LRP1B: variants seen among roughly 807,000 people sequenced by gnomAD.
LRP1B encodes LDL receptor related protein 1B.
LRP1B carries 217 observed loss-of-function variants against 556.6 expected under a neutral mutation model. That is an observed-to-expected ratio of 0.39 (90% confidence interval 0.35 to 0.44). LRP1B has a LOEUF of 0.44. Among genes scored for constraint, LRP1B ranks in the 20% least tolerant of loss-of-function variants. The probability of loss-of-function intolerance (pLI) is 1.00; values close to 1 mark genes in which losing one functional copy is unlikely to be tolerated. For missense variants in LRP1B, 5,053 were observed against 5,620.8 expected (o/e 0.90, Z 3.23); for synonymous variants, 2,047 against 1,865.8 (o/e 1.10, Z -2.50).
chr2:141,207,933 C>T (rs578025244), intron 6 of LRP1B: 1 of 152,396 alleles, frequency 6.6e-6, no homozygotes, highest in South Asian at 2.1e-4. Flanking sequence ...ACCTCAGTCT[C>T]CCAAAGTGCT....
At chr2:140,627,348 G>A (rs542322411) in intron 41 of LRP1B, among the ~76,000 whole-genome samples, 2 of 152,280 alleles carry the variant, frequency 1.3e-5, no homozygotes, top group South Asian at 4.1e-4. Context: ...GAGGATAAAA[G>A]CAGGCAGAGG....
chr2:141,846,860 A>T (rs1192491843), intron 1 of LRP1B, among the ~76,000 whole-genome samples: 1 of 151,458 alleles, frequency 6.6e-6, no homozygotes, highest in African/African-American at 2.4e-5. Flanking sequence ...TTTTTTAAAA[A>T]ATTCTATAGG....
chr2:140,445,770 A>G (rs1212297143), intron 63 of LRP1B, among the ~76,000 whole-genome samples: 1 of 152,136 alleles, frequency 6.6e-6, no homozygotes, highest in Non-Finnish European at 1.5e-5. Context: ...ACTGAATATG[A>G]ATAATTCACC....
chr2:142,091,987 A>G (rs1706190235), intron 1 of LRP1B, among the ~76,000 whole-genome samples: 1 of 152,152 alleles, frequency 6.6e-6, no homozygotes, highest in Admixed American at 6.5e-5. Context: ...ATCTAAACCT[A>G]TGACAACCAT....
At chr2:142,126,890 G>A (rs1390890056) in intron 1 of LRP1B, among the ~76,000 whole-genome samples, 6 of 151,682 alleles carry the variant, frequency 4.0e-5, no homozygotes, top group Admixed American at 2.0e-4. Flanking sequence ...GATTTTTATG[G>A]TATCCCCTGG....
intron 46 of LRP1B, among the ~76,000 whole-genome samples, chr2:140,534,365 C>T (rs1271290632): frequency 4.6e-5 from 7 of 152,092 alleles, no homozygotes; most frequent in Non-Finnish European, 1.0e-4. Flanking sequence ...GTGATTCATT[C>T]CGGGAGATCT....
At chr2:140,809,574 G>A (rs968645407) in intron 32 of LRP1B, among the ~76,000 whole-genome samples, 4 of 152,146 alleles carry the variant, frequency 2.6e-5, no homozygotes, top group Non-Finnish European at 5.9e-5. Flanking sequence ...ACTCTATTAA[G>A]ATTTGAACTT....
chr2:140,373,640 C>T (rs1466510084), intron 68 of LRP1B, among the ~76,000 whole-genome samples: 1 of 151,964 alleles, frequency 6.6e-6, no homozygotes, highest in African/African-American at 2.4e-5. Flanking sequence ...ATTATTTCTA[C>T]CTGGCGCAAT....
At chr2:140,477,637 C>CGAA (rs1688029694) in intron 59 of LRP1B, among the ~76,000 whole-genome samples, 1 of 152,128 alleles carries the variant, frequency 6.6e-6, no homozygotes, top group African/African-American at 2.4e-5. Flanking sequence ...TTCAAGTGGT[C>CGAA]TAACTTCCAT....
chr2:141,688,678 C>T (rs1374769015), intron 2 of LRP1B, among the ~76,000 whole-genome samples: 10 of 151,842 alleles, frequency 6.6e-5, no homozygotes, highest in South Asian at 2.1e-4. Flanking sequence ...CATGCAATCT[C>T]GTTCCAGAAA....
chr2:140,797,755 G>T (rs763252814), intron 32 of LRP1B, among the ~76,000 whole-genome samples: 2 of 152,176 alleles, frequency 1.3e-5, no homozygotes, highest in African/African-American at 2.4e-5. Context: ...TAGAATAAAG[G>T]TTCTGTAGAG....
At chr2:141,798,566 G>A (rs906475557) in intron 2 of LRP1B, among the ~76,000 whole-genome samples, 1 of 151,870 alleles carries the variant, frequency 6.6e-6, no homozygotes, top group East Asian at 1.9e-4. Context: ...AATTAGCTGG[G>A]CGTGGTGGTG....
rs2105419635 is a variant in LRP1B, at chr2:140,700,272, T to C, written c.6777A>G (p.Glu2259=). The C allele has an allele frequency of 6.2e-7, 1 of 1,611,440 alleles. No homozygotes were observed. The highest frequency in any genetic ancestry group is 8.5e-7 in the Non-Finnish European group (1 of 1,178,520). ...TACTTTCAACAATTACTTGTCTGTC[T>C]TCCCAGTTGTCTTTAATAAGCTGTA... ...GNIQLIKDNW[E]DRQVIVENVG... The change falls in exon 41 of 91, where the codon GAA becomes GAG. Residue 2259 remains glutamate (E), a synonymous_variant. Transcript: ENST00000389484.
intron 2 of LRP1B, among the ~76,000 whole-genome samples, chr2:141,753,262 CCA>C (rs1558851349): frequency 1.9e-4 from 7 of 36,202 alleles, no homozygotes; most frequent in African/African-American, 3.3e-4. Context: ...CTCTCTCTCT[CCA>C]TATATATATA....
chr2:141,251,887 A>C (rs1558960802), intron 4 of LRP1B, among the ~76,000 whole-genome samples: 1 of 152,170 alleles, frequency 6.6e-6, no homozygotes, highest in Non-Finnish European at 1.5e-5. Context: ...CTGTAGCAGA[A>C]GCTGTCTGCT....
At chr2:140,395,861 G>T (rs145860776) in intron 66 of LRP1B, among the ~76,000 whole-genome samples, 5 of 152,042 alleles carry the variant, frequency 3.3e-5, no homozygotes, top group East Asian at 3.9e-4. Flanking sequence ...GCCATCTATC[G>T]CACTTGACTA....
Position 140,356,384 on chromosome 2 carries a change from T to G in LRP1B, c.11488A>C (p.Lys3830Gln). Residue 3830 changes from lysine (K) to glutamine (Q), a missense_variant, in exon 75 of 91, where the codon AAG (lysine) becomes CAG (glutamine). By Grantham distance (53) the Lys-to-Gln change is moderately conservative (BLOSUM62 1). Transcript: ENST00000389484. ...TTCATGTTTCTCTGAAATCCAGGCTTACAGCGACAGAAAACAGATGTTTTT... is the reference window on the plus strand; with the variant it reads ...TTCATGTTTCTCTGAAATCCAGGCTGACAGCGACAGAAAACAGATGTTTTT... ...QIKTSVFCRC[K>Q]PGFQRNMKNR... The G allele has an allele frequency of 6.2e-7, 1 of 1,611,132 alleles. No individual in the cohort carries two copies. Among genetic ancestry groups the G allele is most frequent in the Non-Finnish European group, 8.5e-7 (1 of 1,177,970 alleles).
chr2:140,875,478 T>C (rs745637895), intron 25 of LRP1B, among the ~76,000 whole-genome samples: 3 of 152,194 alleles, frequency 2.0e-5, no homozygotes, highest in Non-Finnish European at 2.9e-5. Context: ...GGGCTTATTG[T>C]TTTTAAAATT....
At chr2:140,694,299 T>C (rs1383229962) in intron 41 of LRP1B, among the ~76,000 whole-genome samples, 1 of 152,168 alleles carries the variant, frequency 6.6e-6, no homozygotes, top group African/African-American at 2.4e-5. Flanking sequence ...TGGGAATACA[T>C]AGATATATTG....
Sources: allele counts gnomAD v4.1 joint callset (sites outside exome capture counted in the v4.1 genomes callset), GRCh38; gene constraint gnomAD v4.1.1; transcripts MANE v1.5; gene names NCBI Gene and HGNC (gene_info 2026-07-23, HGNC 2026-07-21).